The following IL1RAPL2 variants were observed in gnomAD, a reference collection of about 807,000 sequenced individuals.
IL1RAPL2 encodes X-linked interleukin-1 receptor accessory protein-like 2.
In IL1RAPL2, 3 loss-of-function variants were observed where a neutral mutation model predicts 44.1. The ratio of observed to expected loss-of-function variants is 0.07; its 90% confidence interval spans 0.03 to 0.18. IL1RAPL2 has a LOEUF of 0.18. Ranked by LOEUF, IL1RAPL2 falls within the 10% of genes least tolerant of loss-of-function variation. The pLI is 1.00. For missense variants in IL1RAPL2, 391 were observed against 496.4 expected (o/e 0.79, Z 2.02); for synonymous variants, 181 against 178.8 (o/e 1.01, Z -0.10).
At chrX:105,158,068 G>A (rs544028052) in intron 2 of IL1RAPL2, among the ~76,000 whole-genome samples, 2 of 112,133 alleles carry the variant, frequency 1.8e-5, no homozygotes, top group Non-Finnish European at 3.8e-5. Context: ...CCCACCAGGC[G>A]CCGTGGCTCA....
At chrX:105,696,061 G>A (rs1445522889) in intron 6 of IL1RAPL2, among the ~76,000 whole-genome samples, 6 of 112,039 alleles carry the variant, frequency 5.4e-5, no homozygotes, top group Non-Finnish European at 9.4e-5. Flanking sequence ...CTCTGCTCTG[G>A]AAAATTTAAA....
intron 2 of IL1RAPL2, among the ~76,000 whole-genome samples, chrX:105,054,193 A>G (rs1015900623): frequency 2.7e-5 from 3 of 110,331 alleles, no homozygotes; most frequent in Non-Finnish European, 5.7e-5. Context: ...ACACACTCAC[A>G]CTGAGACCAC....
intron 5 of IL1RAPL2, among the ~76,000 whole-genome samples, chrX:105,365,137 T>C (rs1222262287): frequency 1.8e-5 from 2 of 111,981 alleles, no homozygotes; most frequent in African/African-American, 6.5e-5. Flanking sequence ...TGCAGGCTTT[T>C]TCTGCATCTA....
At chrX:105,392,641 T>C (rs2035534698) in intron 5 of IL1RAPL2, among the ~76,000 whole-genome samples, 1 of 112,034 alleles carries the variant, frequency 8.9e-6, no homozygotes, top group Non-Finnish European at 1.9e-5. Flanking sequence ...GTTATGAGCC[T>C]TATTCTCTGT....
At chrX:104,864,221 AGATT>A (rs1318220751) in intron 2 of IL1RAPL2, among the ~76,000 whole-genome samples, 1 of 112,284 alleles carries the variant, frequency 8.9e-6, no homozygotes. Flanking sequence ...TCAATTTTAT[AGATT>A]GATCAACAAA....
At chrX:104,597,032 T>C (rs185220666) in intron 1 of IL1RAPL2, among the ~76,000 whole-genome samples, 14 of 111,143 alleles carry the variant, frequency 1.3e-4, no homozygotes, top group Non-Finnish European at 2.5e-4. Context: ...AGGAGAACTA[T>C]ATGCTGAAAA....
At chrX:104,768,722 C>T (rs1932595766) in intron 2 of IL1RAPL2, among the ~76,000 whole-genome samples, 1 of 111,580 alleles carries the variant, frequency 9.0e-6, no homozygotes, top group African/African-American at 3.3e-5. Flanking sequence ...GACAATAGCA[C>T]TCTTGTTGAG....
At chrX:105,081,877 A>G (rs1315939130) in intron 2 of IL1RAPL2, among the ~76,000 whole-genome samples, 2 of 112,113 alleles carry the variant, frequency 1.8e-5, no homozygotes, top group African/African-American at 6.5e-5. Context: ...TTAGTTTGTC[A>G]GTATTTTACT....
chrX:104,860,669 G>A (rs370103038), intron 2 of IL1RAPL2, among the ~76,000 whole-genome samples: 3 of 110,805 alleles, frequency 2.7e-5, no homozygotes, highest in African/African-American at 9.8e-5. Context: ...ACTCCAATGA[G>A]TATTTCCTTT....
At chrX:105,443,688 A>G (rs1173457531) in intron 5 of IL1RAPL2, among the ~76,000 whole-genome samples, 3 of 112,287 alleles carry the variant, frequency 2.7e-5, no homozygotes, top group East Asian at 5.6e-4. Context: ...TGTCTCAATC[A>G]TTTTATGGCT....
intron 6 of IL1RAPL2, among the ~76,000 whole-genome samples, chrX:105,509,640 A>T (rs1170037759): frequency 9.0e-6 from 1 of 111,455 alleles, no homozygotes; most frequent in Non-Finnish European, 1.9e-5. Flanking sequence ...CAAAGGGGAG[A>T]TCAATGATTA....
At chrX:104,847,512 G>A (rs1922087931) in intron 2 of IL1RAPL2, among the ~76,000 whole-genome samples, 1 of 111,173 alleles carries the variant, frequency 9.0e-6, no homozygotes, top group Non-Finnish European at 1.9e-5. Context: ...TAGATGTGTG[G>A]TATTATTTCT....
chrX:104,987,218 G>A (rs2030578759), intron 2 of IL1RAPL2, among the ~76,000 whole-genome samples: 1 of 111,369 alleles, frequency 9.0e-6, no homozygotes, highest in Non-Finnish European at 1.9e-5. Flanking sequence ...AGCAGTCAGG[G>A]CTACTCAGGA....
At chrX:104,999,434 G>T (rs909131864) in intron 2 of IL1RAPL2, among the ~76,000 whole-genome samples, 15 of 111,500 alleles carry the variant, frequency 1.3e-4, no homozygotes, top group Admixed American at 1.1e-3. Context: ...TCTAGGCAAT[G>T]TTGTGTGCCA....
At chrX:104,977,543 C>G (rs765648193) in intron 2 of IL1RAPL2, among the ~76,000 whole-genome samples, 2 of 111,905 alleles carry the variant, frequency 1.8e-5, no homozygotes, top group Non-Finnish European at 3.8e-5. Context: ...ACCTCTCCAC[C>G]AATTTCCATC....
intron 2 of IL1RAPL2, among the ~76,000 whole-genome samples, chrX:104,768,950 T>G (rs886232171): frequency 1.8e-5 from 2 of 111,174 alleles, no homozygotes; most frequent in Non-Finnish European, 3.8e-5. Flanking sequence ...TACTGTGGTA[T>G]AGTAGAAAAA....
chrX:105,398,009 T>C (rs1336541185), intron 5 of IL1RAPL2, among the ~76,000 whole-genome samples: 2 of 111,279 alleles, frequency 1.8e-5, no homozygotes, highest in Non-Finnish European at 1.9e-5. Context: ...TGACTAGACC[T>C]TTTATACTCA....
chrX:104,898,607 CAT>C (rs1195992382), intron 2 of IL1RAPL2, among the ~76,000 whole-genome samples: 1 of 112,551 alleles, frequency 8.9e-6, no homozygotes, highest in Non-Finnish European at 1.9e-5. Flanking sequence ...GCAAACCAGA[CAT>C]GTAGCCAGAA....
At chrX:105,323,916 A>G (rs1274347743) in intron 5 of IL1RAPL2, among the ~76,000 whole-genome samples, 4 of 110,747 alleles carry the variant, frequency 3.6e-5, no homozygotes, top group Admixed American at 2.9e-4. Context: ...ACACACACAC[A>G]GCCCTCAATA....
Sources: allele counts gnomAD v4.1 joint callset (sites outside exome capture counted in the v4.1 genomes callset), GRCh38; gene constraint gnomAD v4.1.1; transcripts MANE v1.5; gene names NCBI Gene and HGNC (gene_info 2026-07-23, HGNC 2026-07-21).